RGS20: variants seen among roughly 807,000 people sequenced by gnomAD.
RGS20 encodes the protein regulator of G protein signaling 20, also known as gz-selective GTPase-activating protein.
RGS20 carries 30 observed loss-of-function variants against 33.6 expected under a neutral mutation model. That is an observed-to-expected ratio of 0.89 (90% CI 0.67 to 1.21). RGS20 has a LOEUF of 1.21. Among genes scored for constraint, RGS20 ranks in the 50% most tolerant of loss-of-function variants. The pLI, the probability that RGS20 is intolerant of heterozygous loss-of-function variation, is 0.00. For missense variants in RGS20, 472 were observed against 502.4 expected (o/e 0.94, Z 0.58); for synonymous variants, 208 against 197.9 (o/e 1.05, Z -0.43).
chr8:53,906,084 C>CT (rs1813161183), intron 2 of RGS20, among the ~76,000 whole-genome samples: 1 of 152,178 alleles, frequency 6.6e-6, no homozygotes, highest in Non-Finnish European at 1.5e-5. Context: ...GAACATCCAA[C>CT]TTTAAGACCA....
chr8:53,867,845 C>T (rs1811957957), intron 1 of RGS20, among the ~76,000 whole-genome samples: 1 of 152,160 alleles, frequency 6.6e-6, no homozygotes, highest in East Asian at 1.9e-4. Context: ...ATCTCAGTCT[C>T]CCGGGTAGCT....
chr8:53,925,808 G>A (rs1813779723), intron 2 of RGS20, among the ~76,000 whole-genome samples: 2 of 152,150 alleles, frequency 1.3e-5, no homozygotes, highest in African/African-American at 4.8e-5. Flanking sequence ...CTAGTACTAA[G>A]GAATAATCTA....
intron 1 of RGS20, among the ~76,000 whole-genome samples, chr8:53,854,845 T>C (rs1480645407): frequency 6.6e-6 from 1 of 152,180 alleles, no homozygotes; most frequent in African/African-American, 2.4e-5. Flanking sequence ...TTATTTGTAA[T>C]AGTCAAAAAC....
At chr8:53,921,442 C>CT (rs879442015) in intron 2 of RGS20, among the ~76,000 whole-genome samples, 2,663 of 125,220 alleles carry the variant, frequency 0.021, 52 homozygotes, top group Middle Eastern at 0.033. Context: ...CTGAGCTTTT[C>CT]TTTTTTTTTT....
rs529651366 is a variant in RGS20 at position 53,922,835 on chromosome 8, A to G, written c.511-16741A>G. On this transcript the variant is annotated intron_variant, in intron 2 of 5. Transcript: ENST00000297313. ...ACCCTCATGCCAGCTAATTTTTTAA[A>G]TTTTTTGTAGAGATGGGGTTTCACT... Among the ~76,000 whole-genome samples the G allele has an allele frequency of 2.0e-5, 3 of 151,994 alleles. 1 individual carries two copies. Among genetic ancestry groups the G allele is most frequent in the South Asian group, 4.2e-4 (2 of 4,812 alleles).
chr8:53,861,865 T>C (rs185455800), intron 1 of RGS20, among the ~76,000 whole-genome samples: 29 of 152,344 alleles, frequency 1.9e-4, no homozygotes, highest in African/African-American at 6.7e-4. Flanking sequence ...TACCAACTTA[T>C]TAGCATCATT....
At chr8:53,881,246 C>G (rs1307291258) in intron 2 of RGS20, among the ~76,000 whole-genome samples, 162 bp downstream of exon 1, 1 of 151,866 alleles carries the variant, frequency 6.6e-6, no homozygotes, top group Non-Finnish European at 1.5e-5. Flanking sequence ...GGGGTTCCTT[C>G]CCGCAGTGCG....
chr8:53,957,158 G>A (rs1563442705), intron 5 of RGS20, among the ~76,000 whole-genome samples: 2 of 152,134 alleles, frequency 1.3e-5, no homozygotes, highest in African/African-American at 4.8e-5. Context: ...ATGGAGTCTC[G>A]CTCTGTTGCC....
At position 53,865,245 on chromosome 8, in the gene RGS20, G is replaced by A. The variant is rs115239438; in HGVS notation, c.165+13181G>A. 6.7e-3 allele frequency among the ~76,000 whole-genome samples: 1,017 copies of A among 152,346 alleles called. 7 individuals carry two copies. The highest frequency in any genetic ancestry group is 0.023 in the African/African-American group (943 of 41,572). ...AAATTGAGAGATCCGGCCCAGGTCC[G>A]TGGGGACAAATGGAGTGGCCCTCTT... On this transcript the variant is annotated intron_variant, in intron 1 of 5. Transcript: ENST00000297313.
intron 2 of RGS20, among the ~76,000 whole-genome samples, chr8:53,918,509 C>T (rs1163692898): frequency 6.6e-6 from 1 of 151,998 alleles, no homozygotes; most frequent in African/African-American, 2.4e-5. Flanking sequence ...TTGCCTCAGC[C>T]TCTGAGTAGC....
intron 2 of RGS20, among the ~76,000 whole-genome samples, chr8:53,883,022 A>T (rs1458498134): frequency 6.6e-6 from 1 of 151,922 alleles, no homozygotes; most frequent in Non-Finnish European, 1.5e-5. Flanking sequence ...TAGTGAAATT[A>T]CTCTATCTGT....
chr8:53,868,493 G>A (rs1424030168), intron 1 of RGS20, among the ~76,000 whole-genome samples: 2 of 152,172 alleles, frequency 1.3e-5, no homozygotes, highest in Admixed American at 6.5e-5. Context: ...CGAATAGCTG[G>A]GGGCAGGAGG....
intron 1 of RGS20, among the ~76,000 whole-genome samples, chr8:53,865,483 C>T (rs1563341720): frequency 6.6e-6 from 1 of 152,226 alleles, no homozygotes; most frequent in Non-Finnish European, 1.5e-5. Context: ...CGTATGTGCC[C>T]ATTACCCAGC....
intron 1 of RGS20, among the ~76,000 whole-genome samples, chr8:53,875,429 C>CAAAAAA (rs755991643): frequency 9.0e-5 from 5 of 55,696 alleles, no homozygotes; most frequent in East Asian, 9.3e-4. Context: ...AAGACTCTGT[C>CAAAAAA]AAAAAAAAAA....
chr8:53,937,157 G>C (rs566938189), intron 2 of RGS20, among the ~76,000 whole-genome samples: 3 of 152,084 alleles, frequency 2.0e-5, no homozygotes, highest in African/African-American at 7.2e-5. Flanking sequence ...TGGGGGGAGA[G>C]GGGAAGGATA....
intron 2 of RGS20, among the ~76,000 whole-genome samples, chr8:53,934,701 C>T (rs543195974): frequency 2.0e-5 from 3 of 152,224 alleles, no homozygotes; most frequent in East Asian, 1.9e-4. Flanking sequence ...GACAGATTAA[C>T]GAGACAGAAA....
intron 2 of RGS20, among the ~76,000 whole-genome samples, chr8:53,897,302 T>C (rs1812893608): frequency 6.6e-6 from 1 of 152,236 alleles, no homozygotes; most frequent in Non-Finnish European, 1.5e-5. Flanking sequence ...CCTGGCAGAC[T>C]GGACCAGACT....
intron 2 of RGS20, among the ~76,000 whole-genome samples, chr8:53,895,996 T>C (rs1812845796): frequency 6.6e-6 from 1 of 151,482 alleles, no homozygotes. Flanking sequence ...GTGAGAAGAA[T>C]AAGGCCAGAC....
At chr8:53,916,484 GCTCT>G (rs917801304) in intron 2 of RGS20, among the ~76,000 whole-genome samples, 2 of 152,186 alleles carry the variant, frequency 1.3e-5, no homozygotes, top group African/African-American at 4.8e-5. Flanking sequence ...TGAGAGATAA[GCTCT>G]CTGAGTCTTA....
Sources: allele counts gnomAD v4.1 joint callset (sites outside exome capture counted in the v4.1 genomes callset), GRCh38; gene constraint gnomAD v4.1.1; transcripts MANE v1.5; gene names NCBI Gene and HGNC (gene_info 2026-07-23, HGNC 2026-07-21).